TDO2: variants seen among roughly 807,000 people sequenced by gnomAD.
TDO2 encodes the protein tryptophan 2,3-dioxygenase, also known as tryptamin 2,3-dioxygenase.
A neutral mutation model predicts 61.2 loss-of-function variants in TDO2; 63 were observed. That is an observed-to-expected ratio of 1.03 (90% confidence interval 0.84 to 1.27). TDO2 has a LOEUF of 1.27. Among genes scored for constraint, TDO2 ranks in the 50% most tolerant of loss-of-function variants. The pLI, the probability that TDO2 is intolerant of heterozygous loss-of-function variation, is 0.00. For synonymous variants in TDO2, 183 were observed against 164.0 expected (o/e 1.12, Z -0.89); for missense variants, 494 against 469.5 (o/e 1.05, Z -0.48).
Position 155,910,025 on chromosome 4 carries a change from A to C in TDO2, c.432A>C (p.Arg144Ser). 6.5e-7 allele frequency: 1 copy of C among 1,537,174 alleles called. No individual in the cohort carries two copies. The highest frequency in any genetic ancestry group is 8.7e-7 in the Non-Finnish European group (1 of 1,150,014). Residue 144 changes from arginine to serine, a missense_variant and splice_region_variant, in exon 6 of 12, where the codon AGA becomes AGC. By Grantham distance (110) the Arg-to-Ser change is moderately radical. Coordinates refer to ENST00000536354, the MANE Select transcript of TDO2 (RefSeq NM_005651.4). ...TMTALDFNDF[R>S]EYLSPASGFQ... Reference sequence around the variant, plus strand: ...TTCCTTCCACCATTTAATCTCAAAGAGAGTACTTATCTCCAGCATCAGGCT... The same window carrying C: ...TTCCTTCCACCATTTAATCTCAAAGCGAGTACTTATCTCCAGCATCAGGCT...
chr4:155,916,716 G>C (rs906426107), intron 9 of TDO2, among the ~76,000 whole-genome samples: 1 of 152,016 alleles, frequency 6.6e-6, no homozygotes, highest in East Asian at 1.9e-4. Context: ...CCCATCCTCA[G>C]GGTTCATGAA....
intron 7 of TDO2, among the ~76,000 whole-genome samples, chr4:155,912,816 G>A (rs1229803348): frequency 1.3e-5 from 2 of 151,840 alleles, no homozygotes; most frequent in Non-Finnish European, 2.9e-5. Flanking sequence ...ATTTCCTCCT[G>A]GTCCTCTCAA....
rs1742834564 is a variant in TDO2, at chr4:155,911,679, T to C, written c.726+75T>C. 1.1e-5 allele frequency: 11 copies of C among 1,041,470 alleles called. 1 individual carries two copies. The South Asian group carries it at 2.2e-4, about 21-fold the overall frequency. The allele number at this position is 1,041,470 out of a possible 1,614,324, so 64.5% of individuals were successfully genotyped here. A position where few individuals can be genotyped will look rare whatever the true frequency, so the allele number is the denominator to read the frequency against. ...ATTTTATTTTAATTATTTTTTGCTT[T>C]TCTCTTAACCTTTTCTCTTTCTCAT... On this transcript the variant is annotated intron_variant, in intron 7 of 11. Coordinates refer to ENST00000536354, the MANE Select transcript of TDO2 (RefSeq NM_005651.4).
intron 8 of TDO2, 113 bp from the exon 9 acceptor site, chr4:155,915,742 T>C (rs1742919279): frequency 2.6e-5 from 20 of 759,618 alleles, no homozygotes; most frequent in Non-Finnish European, 4.2e-5. Context: ...CTGAAACTTA[T>C]ATTGATTTCT....
In TDO2 at chr4:155,903,810, A is replaced by T. The variant is rs935174127; in HGVS notation, c.35+17A>T. 2 of 1,613,948 alleles carry T rather than the reference A, an allele frequency of 1.2e-6. No homozygotes were observed. The highest frequency in any genetic ancestry group is 2.7e-5 in the African/African-American group (2 of 74,924). ...CAACTTTGGGTGAGTATTTACCTTT[A>T]TTCTAAGTGGGTTTTGGCTTTTAGA... On this transcript the variant is annotated intron_variant, in intron 1 of 11. Transcript: ENST00000536354.
rs780663455 is a variant in TDO2 at position 155,907,822 on chromosome 4, A to C, written c.303+30A>C. The C allele has an allele frequency of 4.5e-6, 7 of 1,557,976 alleles. No homozygotes were observed. In the Admixed American group the frequency reaches 6.9e-5, roughly 15 times the overall value. On this transcript the variant is annotated intron_variant, in intron 4 of 11. Transcript: ENST00000536354. ...GTTCTTATGTCACAATATTGGTTTCATGTATATTTTTGGAAGATATGGAAA... is the reference window on the plus strand; with the variant it reads ...GTTCTTATGTCACAATATTGGTTTCCTGTATATTTTTGGAAGATATGGAAA...
intron 5 of TDO2, 76 bp from the exon 6 acceptor site, chr4:155,909,949 C>T (rs182363177): frequency 3.2e-4 from 44 of 135,624 alleles, no homozygotes; most frequent in African/African-American, 1.3e-3. Flanking sequence ...CCCCTCCCCC[C>T]CCTTTCTCTT....
intron 8 of TDO2, 64 bp downstream of exon 8, chr4:155,914,498 T>C: frequency 9.0e-7 from 1 of 1,107,826 alleles, no homozygotes; most frequent in Non-Finnish European, 1.3e-6. Flanking sequence ...AAGACATCAT[T>C]TTATAAGACT....
At chr4:155,912,341 A>C (rs1346078240) in intron 7 of TDO2, among the ~76,000 whole-genome samples, 1 of 152,172 alleles carries the variant, frequency 6.6e-6, no homozygotes, top group East Asian at 1.9e-4. Flanking sequence ...TTGAAAGCAG[A>C]AGTCAGAATA....
At chr4:155,911,751 T>A (rs1026496917) in intron 7 of TDO2, 147 bp downstream of exon 7, 1 of 526,042 alleles carries the variant, frequency 1.9e-6, no homozygotes, top group Non-Finnish European at 3.2e-6. Context: ...GTGACATGAT[T>A]GATTTCATTT....
intron 3 of TDO2, chr4:155,905,406 C>A (rs1742701472): frequency 8.7e-6 from 3 of 346,814 alleles, no homozygotes; most frequent in South Asian, 6.0e-5. Flanking sequence ...TCCAAGGGGA[C>A]TTTCTGCCTC....
At chr4:155,907,660 A>C in intron 3 of TDO2, 62 bp from the exon 4 acceptor site, 1 of 1,049,998 alleles carries the variant, frequency 9.5e-7, no homozygotes, top group East Asian at 2.4e-5. Context: ...CATATCTTTC[A>C]TATAATAATG....
intron 9 of TDO2, among the ~76,000 whole-genome samples, chr4:155,916,430 A>G (rs1742938270): frequency 7.1e-6 from 1 of 139,934 alleles, no homozygotes; most frequent in Admixed American, 7.7e-5. Context: ...GGCCTCCCAA[A>G]GTGCTGGGAT....
chr4:155,904,654 C>T (rs576952781), intron 2 of TDO2, among the ~76,000 whole-genome samples: 1 of 152,042 alleles, frequency 6.6e-6, no homozygotes, highest in African/African-American at 2.4e-5. Context: ...AATGATTAGT[C>T]CTTGATGTCT....
chr4:155,914,542 T>C, intron 8 of TDO2, 108 bp downstream of exon 8: 2 of 761,886 alleles, frequency 2.6e-6, no homozygotes, highest in Non-Finnish European at 3.9e-6. Flanking sequence ...AGAATGAAAA[T>C]TGATATTCTA....
At chr4:155,904,969 T>A in intron 2 of TDO2, 98 bp from the exon 3 acceptor site, 2 of 733,730 alleles carry the variant, frequency 2.7e-6, no homozygotes, top group South Asian at 4.3e-5. Flanking sequence ...ATTTTGAGTT[T>A]GGAGGAGCAT....
chr4:155,917,627 C>G (rs1560779512), intron 10 of TDO2, among the ~76,000 whole-genome samples, 153 bp downstream of exon 10: 1 of 151,942 alleles, frequency 6.6e-6, no homozygotes, highest in Non-Finnish European at 1.5e-5. Flanking sequence ...TTGGCCATCA[C>G]TCTCTCCCAG....
chr4:155,916,680 T>C (rs1283867090), intron 9 of TDO2, among the ~76,000 whole-genome samples: 4 of 152,138 alleles, frequency 2.6e-5, no homozygotes, highest in African/African-American at 9.7e-5. Flanking sequence ...AAATATTGAC[T>C]CACTCCTACT....
intron 7 of TDO2, among the ~76,000 whole-genome samples, chr4:155,913,368 A>C (rs1198173406): frequency 4.6e-5 from 7 of 152,270 alleles, no homozygotes; most frequent in Non-Finnish European, 7.4e-5. Flanking sequence ...TTTATCACCA[A>C]GGAGTCCTTT....
Sources: gnomAD v4.1 joint callset for allele counts (sites outside exome capture counted in the v4.1 genomes callset) on GRCh38, gnomAD v4.1.1 for gene constraint, MANE v1.5 for transcripts, NCBI Gene and HGNC (gene_info 2026-07-23, HGNC 2026-07-21) for gene names.